NAALADL2: variants seen among roughly 807,000 people sequenced by gnomAD.
The protein encoded by NAALADL2 is N-acetylated alpha-linked acidic dipeptidase like 2, also known as inactive N-acetylated-alpha-linked acidic dipeptidase-like protein 2.
In NAALADL2, 76 loss-of-function variants were observed where a neutral mutation model predicts 87.2. The observed-to-expected ratio is 0.87, with a 90% CI of 0.72 to 1.05. The LOEUF is 1.05. NAALADL2 is among the 50% of genes least tolerant of loss of function. NAALADL2 has a pLI of 0.00. For missense variants in NAALADL2, 1,089 were observed against 945.8 expected, an observed-to-expected ratio of 1.15 and a Z score of -1.99; for synonymous variants, 354 against 331.0, an observed-to-expected ratio of 1.07 and a Z score of -0.75.
chr3:174,519,856 C>A (rs560486674), intron 1 of NAALADL2, among the ~76,000 whole-genome samples: 1 of 152,160 alleles, frequency 6.6e-6, no homozygotes, highest in African/African-American at 2.4e-5. Context: ...ATAAGGAGAG[C>A]CACCTATGAC....
At chr3:174,710,230 C>CTTTTTTTTTTTTTTTTTTTTTTTTTTTT (rs57899491) in intron 2 of NAALADL2, among the ~76,000 whole-genome samples, 1 of 136,350 alleles carries the variant, frequency 7.3e-6, no homozygotes. Flanking sequence ...TATGAGCCTC[C>CTTTTTTTTTTTTTTTTTTTTTTTTTTTT]TTTTTTTTTT....
At chr3:175,510,689 A>G (rs1731034015) in intron 9 of NAALADL2, among the ~76,000 whole-genome samples, 1 of 152,220 alleles carries the variant, frequency 6.6e-6, no homozygotes, top group African/African-American at 2.4e-5. Context: ...AACTTATTCA[A>G]GGACACACAG....
At chr3:175,224,914 C>T (rs535966817) in intron 2 of NAALADL2, among the ~76,000 whole-genome samples, 20 of 152,098 alleles carry the variant, frequency 1.3e-4, no homozygotes, top group East Asian at 3.9e-4. Context: ...AGATTGATTT[C>T]GATGTATTTC....
chr3:175,250,151 A>G (rs1748772786), intron 3 of NAALADL2, among the ~76,000 whole-genome samples: 1 of 151,612 alleles, frequency 6.6e-6, no homozygotes, highest in Non-Finnish European at 1.5e-5. Flanking sequence ...CCTGGGCAAC[A>G]AGAGCAAAAT....
At chr3:174,458,510 A>G (rs1473011287) in intron 1 of NAALADL2, 1 of 152,046 alleles carries the variant, frequency 6.6e-6, no homozygotes, top group Non-Finnish European at 1.5e-5. Flanking sequence ...CTTGTTCTCC[A>G]CAGTTTTCTG....
chr3:175,562,849 G>A (rs62288389), intron 9 of NAALADL2, among the ~76,000 whole-genome samples: 19,662 of 151,724 alleles, frequency 0.13, 1,378 homozygotes, highest in Middle Eastern at 0.18. Context: ...TATAATATTG[G>A]AAAGATTTGA....
At chr3:175,112,328 C>T (rs1724332191) in intron 2 of NAALADL2, among the ~76,000 whole-genome samples, 1 of 151,506 alleles carries the variant, frequency 6.6e-6, no homozygotes, top group Non-Finnish European at 1.5e-5. Context: ...CTATTAGGGT[C>T]TCATGCTCCA....
At chr3:175,656,709 TG>T (rs1731509286) in intron 11 of NAALADL2, among the ~76,000 whole-genome samples, 1 of 151,614 alleles carries the variant, frequency 6.6e-6, no homozygotes, top group Non-Finnish European at 1.5e-5. Context: ...CTTAGTAGTC[TG>T]GTGTGTGTGT....
At chr3:175,594,050 C>T (rs1003170317) in intron 10 of NAALADL2, among the ~76,000 whole-genome samples, 1 of 151,528 alleles carries the variant, frequency 6.6e-6, no homozygotes, top group Admixed American at 6.6e-5. Context: ...GTTACATGGG[C>T]ATGTTGCACA....
intron 3 of NAALADL2, among the ~76,000 whole-genome samples, chr3:175,239,365 G>A (rs1236575936): frequency 6.6e-6 from 1 of 152,190 alleles, no homozygotes; most frequent in Non-Finnish European, 1.5e-5. Context: ...CATTGGTGGT[G>A]AGTGCTGAAA....
At chr3:175,016,166 A>G (rs1750778895) in intron 1 of NAALADL2, among the ~76,000 whole-genome samples, 1 of 150,948 alleles carries the variant, frequency 6.6e-6, no homozygotes, top group South Asian at 2.1e-4. Context: ...AAAAGACCAA[A>G]TCATACTATT....
intron 1 of NAALADL2, among the ~76,000 whole-genome samples, chr3:175,013,301 A>ATATATATATTTTTTTT (rs1553916905): frequency 1.4e-5 from 1 of 72,064 alleles, no homozygotes; most frequent in Non-Finnish European, 2.4e-5. Flanking sequence ...ATATATATAT[A>ATATATATATTTTTTTT]TTTTTTTTTT....
intron 1 of NAALADL2, among the ~76,000 whole-genome samples, chr3:174,545,407 T>A (rs1722639988): frequency 6.6e-6 from 1 of 152,182 alleles, no homozygotes; most frequent in African/African-American, 2.4e-5. Context: ...TAGGAAAGGG[T>A]GCCTGGGAAA....
intron 1 of NAALADL2, among the ~76,000 whole-genome samples, chr3:174,931,736 A>T (rs1013654398): frequency 6.6e-6 from 1 of 152,220 alleles, no homozygotes; most frequent in African/African-American, 2.4e-5. Context: ...CTGGGATGAC[A>T]TGAGATTGCT....
chr3:174,999,823 A>T (rs937248581), intron 1 of NAALADL2, among the ~76,000 whole-genome samples: 1 of 152,192 alleles, frequency 6.6e-6, no homozygotes, highest in African/African-American at 2.4e-5. Context: ...CTACATAAAC[A>T]TAGATAAACA....
At chr3:175,314,505 ATGTAT>A (rs1758783002) in intron 4 of NAALADL2, among the ~76,000 whole-genome samples, 2 of 143,784 alleles carry the variant, frequency 1.4e-5, no homozygotes, top group Admixed American at 1.4e-4. Flanking sequence ...ATTTAATTAA[ATGTAT>A]TGTGTCTCAA....
At chr3:174,556,163 G>A (rs1712791078) in intron 2 of NAALADL2, among the ~76,000 whole-genome samples, 1 of 152,114 alleles carries the variant, frequency 6.6e-6, no homozygotes, top group African/African-American at 2.4e-5. Context: ...GTCAGGAAAA[G>A]GAATCTTTGT....
chr3:174,921,971 G>C (rs1735297040), intron 1 of NAALADL2, among the ~76,000 whole-genome samples: 1 of 151,540 alleles, frequency 6.6e-6, no homozygotes, highest in Non-Finnish European at 1.5e-5. Context: ...CTTTTGTTTT[G>C]TCATGAAAAA....
intron 11 of NAALADL2, among the ~76,000 whole-genome samples, chr3:175,702,582 T>C (rs527830827): frequency 1.4e-4 from 22 of 152,176 alleles, no homozygotes; most frequent in Non-Finnish European, 2.8e-4. Flanking sequence ...AGTCAACCTT[T>C]GCTTCTCAGT....
Sources: allele counts gnomAD v4.1 joint callset (sites outside exome capture counted in the v4.1 genomes callset), GRCh38; gene constraint gnomAD v4.1.1; transcripts MANE v1.5; gene names NCBI Gene and HGNC (gene_info 2026-07-23, HGNC 2026-07-21).